Variants in PSMA7 observed in about 807,000 individuals in gnomAD.
PSMA7 encodes proteasome subunit alpha type-7.
PSMA7 carries 5 observed loss-of-function variants against 31.3 expected under a neutral mutation model. The observed-to-expected ratio is 0.16, with a 90% CI of 0.08 to 0.34. The LOEUF (loss-of-function observed/expected upper bound fraction) is 0.34. Ranked by LOEUF, PSMA7 falls within the 10% of genes least tolerant of loss-of-function variation. PSMA7 has a pLI of 1.00. For synonymous variants in PSMA7, 155 were observed against 121.9 expected (o/e 1.27, Z -1.79); for missense variants, 217 against 327.5 (o/e 0.66, Z 2.60).
At chr20:62,143,178 C>T (rs2056950805) in intron 1 of PSMA7, 30 bp downstream of exon 1, 1 of 1,337,926 alleles carries the variant, frequency 7.5e-7, no homozygotes. Flanking sequence ...CGCCCGCGTC[C>T]CCGGCCCCGC....
At chr20:62,139,976 C>A in intron 2 of PSMA7, 71 bp from the exon 3 acceptor site, 1 of 1,550,208 alleles carries the variant, frequency 6.5e-7, no homozygotes, top group South Asian at 1.2e-5. Flanking sequence ...GACACGATGA[C>A]CCAGCATTTA....
chr20:62,139,964 CAG>C, intron 2 of PSMA7, 59 bp from the exon 3 acceptor site: 1 of 1,578,768 alleles, frequency 6.3e-7, no homozygotes, highest in South Asian at 1.1e-5. Context: ...AGGGTGGGGA[CAG>C]ACACGATGAC....
intron 3 of PSMA7, 180 bp from the exon 4 acceptor site, chr20:62,139,377 T>C: frequency 1.2e-6 from 1 of 834,090 alleles, no homozygotes; most frequent in Non-Finnish European, 1.8e-6. Flanking sequence ...TTTTCACTCC[T>C]AGAAAAACTC....
chr20:62,137,543 G>C, intron 5 of PSMA7, 117 bp from the exon 6 acceptor site: 3 of 963,688 alleles, frequency 3.1e-6, no homozygotes, highest in Middle Eastern at 2.1e-4. Context: ...CAGGAACAGA[G>C]GTCCCAGCCC....
chr20:62,143,059 G>A, intron 1 of PSMA7, 149 bp downstream of exon 1: 1 of 250,366 alleles, frequency 4.0e-6, no homozygotes, highest in Non-Finnish European at 6.4e-6. Flanking sequence ...AGCGGGGCCC[G>A]CGCTCAGCTA....
rs527897027 is a variant in PSMA7 at position 62,136,890 on chromosome 20, T to G, written c.714A>C (p.Glu238Asp). 1.3e-6 allele frequency: 2 copies of G among 1,599,446 alleles called. No homozygotes were observed. Among genetic ancestry groups the G allele is most frequent in the Non-Finnish European group, 1.7e-6 (2 of 1,175,024 alleles). Reference sequence around the variant, plus strand: ...CTTTCTTTTGTTTCTTCTTTTCGTTTTCTTCTTTTTCTTTTTCAATTTCAG... The same window carrying G: ...CTTTCTTTTGTTTCTTCTTTTCGTTGTCTTCTTTTTCTTTTTCAATTTCAG... ...YVAEIEKEKE[E>D]NEKKKQKKAS The change falls in exon 7 of 7, where the codon GAA becomes GAC. Residue 238 changes from glutamate to aspartate, a missense_variant. Physicochemically the swap from Glu to Asp is conservative, Grantham distance 45. Around this residue, in one of 3 missense-constraint regions of PSMA7, gnomAD observed 88 missense variants for 111.6 expected, o/e 0.79. Coordinates refer to ENST00000370873, the MANE Select transcript of PSMA7 (RefSeq NM_002792.4).
chr20:62,140,497 G>A (rs2056921434), intron 2 of PSMA7, among the ~76,000 whole-genome samples: 1 of 152,204 alleles, frequency 6.6e-6, no homozygotes. Context: ...TCCTCTCCAT[G>A]CCACAGATGC....
Position 62,136,917 on chromosome 20 carries a change from A to T in PSMA7, c.687T>A (p.Val229=). The part of the protein sequence containing the change: ...ILNPEEIEKY[V]AEIEKEKEEN... ...CTTCTTTTTCTTTTTCAATTTCAGC[A>T]ACATACTTCTCAATTTCTTCAGGAT... The change falls in exon 7 of 7, where the codon GTT becomes GTA. Residue 229 remains valine (V), a synonymous_variant. Coordinates refer to ENST00000370873, the MANE Select transcript of PSMA7 (RefSeq NM_002792.4). 3 of 1,602,428 alleles carry T rather than the reference A, an allele frequency of 1.9e-6. No individual in the cohort carries two copies. The highest frequency in any genetic ancestry group is 2.6e-6 in the Non-Finnish European group (3 of 1,176,300).
At chr20:62,139,375 C>T in intron 3 of PSMA7, 178 bp from the exon 4 acceptor site, 2 of 840,634 alleles carry the variant, frequency 2.4e-6, no homozygotes, top group South Asian at 1.9e-5. Flanking sequence ...CATTTTCACT[C>T]CTAGAAAAAC....
intron 1 of PSMA7, among the ~76,000 whole-genome samples, chr20:62,141,826 G>A (rs192138064): frequency 2.0e-4 from 30 of 152,330 alleles, no homozygotes; most frequent in African/African-American, 6.5e-4. Context: ...AGAAGGATAT[G>A]GCTGTTATTA....
rs894628253 is a variant in PSMA7, at chr20:62,137,285, C to T, written c.654+79G>A. The T allele has an allele frequency of 5.7e-5, 81 of 1,416,878 alleles. 1 individual carries two copies. Among genetic ancestry groups the T allele is most frequent in the Non-Finnish European group, 7.9e-5 (80 of 1,008,036 alleles). 87.8% of individuals were successfully genotyped at this position (1,416,878 alleles called of 1,614,324 possible). A position where few individuals can be genotyped will look rare whatever the true frequency, so the allele number is the denominator to read the frequency against. Reference sequence around the variant, plus strand: ...ACCACAGAATGGCCCTATGATGTTTCCTTCGGAACTGGTACTGCTCAGCCC... The same window carrying T: ...ACCACAGAATGGCCCTATGATGTTTTCTTCGGAACTGGTACTGCTCAGCCC... On this transcript the variant is annotated intron_variant, in intron 6 of 6. Coordinates refer to ENST00000370873, the MANE Select transcript of PSMA7 (RefSeq NM_002792.4).
intron 3 of PSMA7, 54 bp downstream of exon 3, chr20:62,139,727 G>A (rs899259591): frequency 3.4e-5 from 55 of 1,613,350 alleles, no homozygotes; most frequent in Non-Finnish European, 4.0e-5. Flanking sequence ...CTCCATGGCG[G>A]AGCCGTGACT....
chr20:62,139,939 GA>G lies in PSMA7; in HGVS notation c.224-35del, dbSNP rs767186919. The G allele has an allele frequency of 2.0e-5, 32 of 1,606,446 alleles. No homozygotes were observed. The Admixed American group carries it at 5.2e-4, about 26-fold the overall frequency. The stretch of plus-strand genomic sequence containing the variant: ...AAAGCAGAGAGGCTTCTGCTAGAGA[GA>G]CAGCACAAACTACAGGGTGGGGACA... On this transcript the variant is annotated intron_variant, in intron 2 of 6. Transcript: ENST00000370873.
chr20:62,140,427 A>C (rs112356323), intron 2 of PSMA7, among the ~76,000 whole-genome samples: 1 of 152,382 alleles, frequency 6.6e-6, no homozygotes, highest in South Asian at 2.1e-4. Context: ...ATGGCGAGGC[A>C]TGGCCTGCAT....
rs2056923264 is a variant in PSMA7, at chr20:62,140,811, C to T, written c.223+7G>A. The T allele has an allele frequency of 6.2e-7, 1 of 1,614,160 alleles. No individual in the cohort carries two copies. The highest frequency in any genetic ancestry group is 8.5e-7 in the Non-Finnish European group (1 of 1,179,956). On this transcript the variant is annotated splice_region_variant and intron_variant, in intron 2 of 6. Transcript: ENST00000370873. ...AGAGTAAGACAGCGCTCCCCACCGA[C>T]TCATACCTGCAAAGGCCATGCAGAC...
chr20:62,140,348 G>C (rs2056920081), intron 2 of PSMA7, among the ~76,000 whole-genome samples: 1 of 152,178 alleles, frequency 6.6e-6, no homozygotes, highest in Admixed American at 6.5e-5. Flanking sequence ...TTCATTACAT[G>C]AATTGAGATC....
At chr20:62,139,697 T>C in intron 3 of PSMA7, 84 bp downstream of exon 3, 1 of 1,603,186 alleles carries the variant, frequency 6.2e-7, no homozygotes, top group Non-Finnish European at 8.5e-7. Flanking sequence ...CTGATTCACC[T>C]GAAGTGACAT....
In PSMA7 at chr20:62,139,119, T is replaced by C; in HGVS notation, c.427A>G (p.Arg143Gly). The change falls in exon 4 of 7, where the codon AGG (arginine) becomes GGG (glycine). Residue 143 changes from arginine to glycine, a missense_variant. Physicochemically the swap from Arg to Gly is moderately radical, Grantham distance 125. Transcript: ENST00000370873. ...CCCGAGGGGTCAGTCTGATAGAGCC[T>C]AGGAGTGCCATCAAAGTCGAAACCC... ...IVGFDFDGTP[R>G]LYQTDPSGTY... The C allele has an allele frequency of 6.2e-7, 1 of 1,614,140 alleles. No individual in the cohort carries two copies. The highest frequency in any genetic ancestry group is 8.5e-7 in the Non-Finnish European group (1 of 1,179,992).
chr20:62,139,231 A>G (rs755050844), intron 3 of PSMA7, 34 bp from the exon 4 acceptor site: 1 of 1,599,528 alleles, frequency 6.3e-7, no homozygotes, highest in East Asian at 2.2e-5. Context: ...GTGCCATCCA[A>G]TTAAGAAACT....
Sources: gnomAD v4.1 joint callset for allele counts (sites outside exome capture counted in the v4.1 genomes callset) on GRCh38, gnomAD v4.1.1 for gene constraint, gnomAD v4.1.1 regional missense constraint, MANE v1.5 for transcripts, NCBI Gene and HGNC (gene_info 2026-07-23, HGNC 2026-07-21) for gene names.